Variants in DPH5 observed in about 807,000 individuals in gnomAD.
The protein encoded by DPH5 is diphthine methyl ester synthase.
A neutral mutation model predicts 31.6 loss-of-function variants in DPH5; 31 were observed. The ratio of observed to expected loss-of-function variants is 0.98; its 90% confidence interval spans 0.74 to 1.32. The LOEUF is 1.32. Among genes scored for constraint, DPH5 ranks in the 40% most tolerant of loss-of-function variants. The pLI, the probability that DPH5 is intolerant of heterozygous loss-of-function variation, is 0.00. For missense variants in DPH5, 309 were observed against 335.7 expected (o/e 0.92, Z 0.62); for synonymous variants, 120 against 115.0 (o/e 1.04, Z -0.28).
At chr1:101,021,817 A>AC (rs1660469762) in intron 2 of DPH5, 52 bp from the exon 3 acceptor site, 60 of 739,118 alleles carry the variant, frequency 8.1e-5, no homozygotes, top group East Asian at 4.8e-4. Context: ...TGACCATTCT[A>AC]ACACACACAC....
Position 100,990,521 on chromosome 1 carries a change from AT to A in DPH5, c.744del (p.Leu249CysfsTer4). The A allele has an allele frequency of 1.2e-6, 2 of 1,614,144 alleles. No homozygotes were observed. Among genetic ancestry groups the A allele is most frequent in the Non-Finnish European group, 1.7e-6 (2 of 1,180,000 alleles). ...RQMCTVDLGE[P>X]LHSLIITGGS... The stretch of plus-strand genomic sequence containing the variant: ...CCTCCTGTGATGATCAAGGAATGCA[AT>A]GGTTCTCCCAAGTCCACAGTGCACA... On this transcript the variant is annotated frameshift_variant, in exon 8 of 8. Transcript: ENST00000370109. LOFTEE classifies it high-confidence loss of function.
chr1:100,998,221 A>G (rs893873710), intron 5 of DPH5, among the ~76,000 whole-genome samples: 4 of 152,290 alleles, frequency 2.6e-5, no homozygotes, highest in Middle Eastern at 3.4e-3. Context: ...TGCCAAGAAT[A>G]AAAGGGGGGC....
chr1:101,014,550 C>A (rs1003060389), intron 3 of DPH5, among the ~76,000 whole-genome samples: 5 of 152,188 alleles, frequency 3.3e-5, no homozygotes, highest in Non-Finnish European at 7.3e-5. Context: ...AGTGGATGGT[C>A]TTGGCTCCAT....
intron 3 of DPH5, among the ~76,000 whole-genome samples, chr1:101,016,339 A>AT (rs1409816741): frequency 1.3e-5 from 2 of 152,032 alleles, no homozygotes; most frequent in East Asian, 3.9e-4. Flanking sequence ...GGGCAACAGA[A>AT]TGAGACTCCT....
chr1:101,002,692 T>C (rs1658961375), intron 4 of DPH5, among the ~76,000 whole-genome samples: 1 of 152,196 alleles, frequency 6.6e-6, no homozygotes. Flanking sequence ...GAAATAGCCA[T>C]GTGACTTCAG....
chr1:101,008,766 A>G (rs992228536), intron 4 of DPH5, among the ~76,000 whole-genome samples: 4 of 152,098 alleles, frequency 2.6e-5, no homozygotes, highest in Admixed American at 2.6e-4. Context: ...CCTCTTGCCT[A>G]TCTAGCTAAC....
intron 3 of DPH5, 72 bp downstream of exon 3, chr1:101,021,569 G>T: frequency 6.8e-7 from 1 of 1,478,536 alleles, no homozygotes; most frequent in Non-Finnish European, 9.2e-7. Flanking sequence ...AGTGTTAAAT[G>T]CAATAGAATA....
intron 3 of DPH5, among the ~76,000 whole-genome samples, chr1:101,018,834 T>C (rs193187662): frequency 1.3e-5 from 2 of 152,300 alleles, no homozygotes; most frequent in South Asian, 2.1e-4. Flanking sequence ...GAAGGTATCA[T>C]ATACATAAAT....
At chr1:100,999,174 G>C (rs987170643) in intron 5 of DPH5, among the ~76,000 whole-genome samples, 12 of 152,146 alleles carry the variant, frequency 7.9e-5, no homozygotes, top group Admixed American at 3.9e-4. Context: ...ATACAGCCAG[G>C]CACCGTGGTT....
chr1:101,005,495 C>CT (rs1269553475), intron 4 of DPH5, among the ~76,000 whole-genome samples: 5 of 152,140 alleles, frequency 3.3e-5, no homozygotes, highest in African/African-American at 1.2e-4. Context: ...TTTGATGACA[C>CT]TAAGGAAGAG....
In DPH5 at chr1:100,992,651, C is replaced by T. The variant is rs576578070; in HGVS notation, c.620G>A (p.Arg207Gln). Residue 207 changes from arginine to glutamine, a missense_variant, in exon 7 of 8, where the codon CGA becomes CAA. Transcript: ENST00000370109. Reference protein sequence around the residue: ...LLEIVQNQRIRGEEPAVTEET... With the variant: ...LLEIVQNQRIQGEEPAVTEET... ...GTCTTGAGTACCTGGTTCTTCTCCTCGTATTCTTTGATTTTGAACAATCTC... is the reference window on the plus strand; with the variant it reads ...GTCTTGAGTACCTGGTTCTTCTCCTTGTATTCTTTGATTTTGAACAATCTC... 88 of 1,613,714 alleles carry T rather than the reference C, an allele frequency of 5.5e-5. 1 individual carries two copies. In the East Asian group the frequency reaches 1.5e-3, roughly 27 times the overall value.
chr1:101,001,369 AC>A (rs1353712895), intron 5 of DPH5, 97 bp downstream of exon 5: 3 of 1,238,460 alleles, frequency 2.4e-6, no homozygotes, highest in African/African-American at 3.0e-5. Context: ...GTCTTTTCTT[AC>A]CTCTAGCTAA....
intron 3 of DPH5, among the ~76,000 whole-genome samples, chr1:101,015,496 C>G (rs969247020): frequency 6.6e-6 from 1 of 152,208 alleles, no homozygotes; most frequent in Admixed American, 6.5e-5. Context: ...GTTCCACTTA[C>G]AGCGCACAGG....
At chr1:100,997,937 A>C (rs1444108970) in intron 5 of DPH5, among the ~76,000 whole-genome samples, 2 of 152,164 alleles carry the variant, frequency 1.3e-5, no homozygotes, top group Non-Finnish European at 2.9e-5. Flanking sequence ...AACAAGATGG[A>C]TATATCTGAT....
chr1:101,022,668 TTGAG>T (rs149918152), intron 2 of DPH5, among the ~76,000 whole-genome samples: 4,217 of 152,222 alleles, frequency 0.028, 199 homozygotes, highest in African/African-American at 0.094. Context: ...ACTGAGAACT[TTGAG>T]TGAGTTATTA....
chr1:101,020,477 C>G (rs1211402865), intron 3 of DPH5, among the ~76,000 whole-genome samples: 1 of 151,864 alleles, frequency 6.6e-6, no homozygotes, highest in Non-Finnish European at 1.5e-5. Context: ...TTTCCTAGGG[C>G]CATCCTAGGT....
Position 100,993,994 on chromosome 1 carries a change from G to C in DPH5, c.530+1116C>G, listed in dbSNP as rs146565083. Among the ~76,000 whole-genome samples, 1,001 of 151,736 alleles carry C rather than the reference G, an allele frequency of 6.6e-3. 9 individuals carry two copies. The highest frequency in any genetic ancestry group is 0.022 in the African/African-American group (925 of 41,352). On this transcript the variant is annotated intron_variant, in intron 6 of 7. Transcript: ENST00000370109. ...GCTGACCTCGTGATCCACCTGCCTC[G>C]GCCTCCCAAAGTACTGGGATTACAG... is the stretch of plus-strand genomic sequence containing the variant.
At chr1:101,005,048 T>G (rs1006821165) in intron 4 of DPH5, among the ~76,000 whole-genome samples, 3 of 152,224 alleles carry the variant, frequency 2.0e-5, no homozygotes, top group Non-Finnish European at 4.4e-5. Context: ...GTTTGAGCCC[T>G]CAATATCACT....
chr1:101,011,613 A>G (rs1156261285), intron 4 of DPH5: 2 of 152,238 alleles, frequency 1.3e-5, no homozygotes, highest in Non-Finnish European at 2.9e-5. Flanking sequence ...GTGGAGGATC[A>G]GAAGGACAGG....
Sources: gnomAD v4.1 joint callset for allele counts (sites outside exome capture counted in the v4.1 genomes callset) on GRCh38, gnomAD v4.1.1 for gene constraint, MANE v1.5 for transcripts, NCBI Gene and HGNC (gene_info 2026-07-23, HGNC 2026-07-21) for gene names.